Variants in GRM8 observed in about 807,000 individuals in gnomAD.
GRM8 encodes the protein metabotropic glutamate receptor 8.
Under a neutral mutation model 87.2 loss-of-function variants are expected in GRM8, and 47 were observed. The observed-to-expected ratio is 0.54, with a 90% confidence interval of 0.43 to 0.69. The LOEUF is 0.69. GRM8 is among the 30% of genes least tolerant of loss of function. The pLI is 0.00. For missense variants in GRM8, 1,019 were observed against 1,139.2 expected, an observed-to-expected ratio of 0.89 and a Z score of 1.52; for synonymous variants, 396 against 404.5, an observed-to-expected ratio of 0.98 and a Z score of 0.25.
chr7:126,689,050 A>T (rs1808501958), intron 7 of GRM8, among the ~76,000 whole-genome samples: 2 of 152,208 alleles, frequency 1.3e-5, no homozygotes, highest in African/African-American at 4.8e-5. Context: ...TTATACAAAT[A>T]GCCTGTCTGC....
At chr7:126,554,906 AAAT>A (rs1792972570) in intron 8 of GRM8, among the ~76,000 whole-genome samples, 1 of 152,138 alleles carries the variant, frequency 6.6e-6, no homozygotes, top group African/African-American at 2.4e-5. Flanking sequence ...TTTGTTTGGC[AAAT>A]AATAGGATAA....
In GRM8 at chr7:126,769,416, C is replaced by G. The variant is rs117660719; in HGVS notation, c.1357+449G>C. Among the ~76,000 whole-genome samples, 375 of 152,168 alleles carry G rather than the reference C, an allele frequency of 2.5e-3. 2 individuals carry two copies. Among genetic ancestry groups the G allele is most frequent in the South Asian group, 5.8e-3 (28 of 4,824 alleles). ...AAACAGAAAACACAGAAACTTAACA[C>G]TCGTTGAGTATAAATATACAGCAAC... is the stretch of plus-strand genomic sequence containing the variant. On this transcript the variant is annotated intron_variant, in intron 7 of 10. Coordinates refer to ENST00000339582, the MANE Select transcript of GRM8 (RefSeq NM_000845.3).
At chr7:126,471,803 T>C (rs1584730725) in intron 9 of GRM8, among the ~76,000 whole-genome samples, 1 of 151,922 alleles carries the variant, frequency 6.6e-6, no homozygotes, top group South Asian at 2.1e-4. Flanking sequence ...TTTCATGATA[T>C]TGATTCTTCC....
At chr7:126,791,499 C>T (rs1275241039) in intron 6 of GRM8, among the ~76,000 whole-genome samples, 2 of 152,216 alleles carry the variant, frequency 1.3e-5, no homozygotes, top group South Asian at 2.1e-4. Flanking sequence ...TAGTGACTCA[C>T]ACTCTGGGTT....
In GRM8 at chr7:127,252,136, T is replaced by C. The variant is rs533984207; in HGVS notation, c.-312+661A>G. On this transcript the variant is annotated intron_variant, in intron 1 of 10. Coordinates refer to ENST00000339582, the MANE Select transcript of GRM8 (RefSeq NM_000845.3). The surrounding 1 kb of genome is among the most constrained non-coding windows in gnomAD (Gnocchi z 4.9). ...TTCGCGAAACGAAGGTACCTCGTCA[T>C]CTCGGCGGGGCAAGTCCGGATTCCA... The C allele has an allele frequency of 6.6e-5, 10 of 152,260 alleles. No individual in the cohort carries two copies. The highest frequency in any genetic ancestry group is 6.3e-4 in the South Asian group (3 of 4,800). The allele number at this position is 152,260 out of a possible 1,614,324, so 9.4% of individuals were successfully genotyped here. A position where few individuals can be genotyped will look rare whatever the true frequency, so the allele number is the denominator to read the frequency against.
intron 6 of GRM8, among the ~76,000 whole-genome samples, chr7:126,831,961 G>T (rs1167305648): frequency 6.6e-6 from 1 of 152,060 alleles, no homozygotes; most frequent in Non-Finnish European, 1.5e-5. Context: ...TGAAAGTTTG[G>T]TAGAATATAT....
intron 6 of GRM8, among the ~76,000 whole-genome samples, chr7:126,899,821 ACTTT>A (rs1346270477): frequency 6.6e-6 from 1 of 150,754 alleles, no homozygotes; most frequent in Non-Finnish European, 1.5e-5. Flanking sequence ...CACCATACCT[ACTTT>A]CTTTCTCTCA....
chr7:126,735,743 T>C (rs1468764119), intron 7 of GRM8, among the ~76,000 whole-genome samples: 1 of 152,090 alleles, frequency 6.6e-6, no homozygotes, highest in Admixed American at 6.6e-5. Flanking sequence ...GACTCTTTTT[T>C]AGACGGCACC....
chr7:127,021,481 A>G (rs1417587016), intron 3 of GRM8, among the ~76,000 whole-genome samples: 1 of 152,026 alleles, frequency 6.6e-6, no homozygotes, highest in Admixed American at 6.6e-5. Flanking sequence ...CAATTTAACT[A>G]TATGTTACTT....
At chr7:126,700,017 T>C (rs565129431) in intron 7 of GRM8, among the ~76,000 whole-genome samples, 1 of 152,256 alleles carries the variant, frequency 6.6e-6, no homozygotes, top group African/African-American at 2.4e-5. Flanking sequence ...TTAACTGATA[T>C]TGGGACTACA....
chr7:126,825,272 T>C (rs1387739844), intron 6 of GRM8, among the ~76,000 whole-genome samples: 1 of 152,146 alleles, frequency 6.6e-6, no homozygotes, highest in African/African-American at 2.4e-5. Context: ...TTCACCATGC[T>C]AGCCAGGATG....
intron 9 of GRM8, among the ~76,000 whole-genome samples, chr7:126,467,480 A>T (rs368129540): frequency 1.4e-4 from 21 of 152,120 alleles, no homozygotes; most frequent in Non-Finnish European, 1.8e-4. Context: ...GGCTTTTATG[A>T]TTAGACAAAA....
intron 3 of GRM8, among the ~76,000 whole-genome samples, chr7:126,910,751 G>C (rs776575062): frequency 6.6e-6 from 1 of 152,152 alleles, no homozygotes; most frequent in African/African-American, 2.4e-5. Context: ...TGCCATTTCA[G>C]AATTTTTACC....
At chr7:126,874,101 T>C (rs142227494) in intron 6 of GRM8, among the ~76,000 whole-genome samples, 14 of 152,186 alleles carry the variant, frequency 9.2e-5, no homozygotes, top group African/African-American at 3.4e-4. Context: ...CCATGTTTTT[T>C]AGCTTTGCCC....
At chr7:127,232,294 G>A (rs945008719) in intron 2 of GRM8, among the ~76,000 whole-genome samples, 6 of 151,824 alleles carry the variant, frequency 4.0e-5, no homozygotes, top group Non-Finnish European at 8.8e-5. Flanking sequence ...GCAGTGGCAT[G>A]ATCATGGCTC....
At chr7:126,697,921 T>C (rs1809549736) in intron 7 of GRM8, among the ~76,000 whole-genome samples, 1 of 152,200 alleles carries the variant, frequency 6.6e-6, no homozygotes, top group Non-Finnish European at 1.5e-5. Context: ...GAAGGAATTT[T>C]TGCACAAAAC....
chr7:127,201,953 C>T lies in GRM8; in HGVS notation c.510+40742G>A, dbSNP rs546101447. Reference sequence around the variant, plus strand: ...ATACTTGTTAAGGATACTCTACCCACCTATGAACCATTGGAGAAAATGAAC... The same window carrying T: ...ATACTTGTTAAGGATACTCTACCCATCTATGAACCATTGGAGAAAATGAAC... On this transcript the variant is annotated intron_variant, in intron 2 of 10. Coordinates refer to ENST00000339582, the MANE Select transcript of GRM8 (RefSeq NM_000845.3). Among the ~76,000 whole-genome samples, 11 of 152,294 alleles carry T rather than the reference C, an allele frequency of 7.2e-5. No individual in the cohort carries two copies. The East Asian group carries it at 1.9e-3, about 27-fold the overall frequency.
At chr7:126,522,405 A>C (rs1308273206) in intron 9 of GRM8, among the ~76,000 whole-genome samples, 3 of 152,244 alleles carry the variant, frequency 2.0e-5, no homozygotes, top group Non-Finnish European at 2.9e-5. Context: ...ATTCATGCTC[A>C]AAAAGGTTAA....
chr7:126,801,920 T>C (rs1445351882), intron 6 of GRM8, among the ~76,000 whole-genome samples: 1 of 152,180 alleles, frequency 6.6e-6, no homozygotes, highest in Non-Finnish European at 1.5e-5. Flanking sequence ...ATTGCTCACA[T>C]TGGACTGCCA....
Sources: gnomAD v4.1 joint callset for allele counts (sites outside exome capture counted in the v4.1 genomes callset) on GRCh38, gnomAD v4.1.1 for gene constraint, Gnocchi (gnomAD v3.1) non-coding constraint, MANE v1.5 for transcripts, NCBI Gene and HGNC (gene_info 2026-07-23, HGNC 2026-07-21) for gene names.